Variants in HMBOX1 observed in about 807,000 individuals in gnomAD.
HMBOX1 encodes homeobox-containing protein 1.
HMBOX1 carries 14 observed loss-of-function variants against 54.5 expected under a neutral mutation model. The ratio of observed to expected loss-of-function variants is 0.26; its 90% CI spans 0.17 to 0.40. The LOEUF (loss-of-function observed/expected upper bound fraction) is 0.40, where lower values mean the gene tolerates loss of function less well. Among genes scored for constraint, HMBOX1 ranks in the 10% least tolerant of loss-of-function variants. HMBOX1 has a pLI of 1.00. For missense variants in HMBOX1, 332 were observed against 514.4 expected, an observed-to-expected ratio of 0.65 and a Z score of 3.43; for synonymous variants, 160 against 181.0, an observed-to-expected ratio of 0.88 and a Z score of 0.93.
intron 4 of HMBOX1, among the ~76,000 whole-genome samples, chr8:28,993,049 G>GT (rs5890435): frequency 4.0e-5 from 6 of 149,484 alleles, no homozygotes; most frequent in Admixed American, 6.7e-5. Flanking sequence ...TCAACACCTA[G>GT]TTTTTTTTTT....
intron 2 of HMBOX1, 82 bp from the exon 3 acceptor site, chr8:28,969,958 ATTG>A: frequency 1.2e-6 from 1 of 834,980 alleles, no homozygotes; most frequent in Non-Finnish European, 1.9e-6. Flanking sequence ...ATGTAGAAAT[ATTG>A]CATCTTCTGA....
At chr8:29,008,479 A>C (rs946975954) in intron 4 of HMBOX1, among the ~76,000 whole-genome samples, 1 of 152,200 alleles carries the variant, frequency 6.6e-6, no homozygotes, top group Non-Finnish European at 1.5e-5. Flanking sequence ...TGTAGCATAC[A>C]TAACTCTAAA....
In HMBOX1 at chr8:28,963,798, C is replaced by T; in HGVS notation, c.-57-13C>T. Reference sequence around the variant, plus strand: ...ACATAAATGTTTCTCAATTTTCTATCTTTGTTCTACAGAATGGTAGATAAC... The same window carrying T: ...ACATAAATGTTTCTCAATTTTCTATTTTTGTTCTACAGAATGGTAGATAAC... On this transcript the variant is annotated splice_polypyrimidine_tract_variant and intron_variant, in intron 1 of 9. Coordinates refer to ENST00000287701, the MANE Select transcript of HMBOX1 (RefSeq NM_001135726.3). The T allele has an allele frequency of 7.9e-7, 1 of 1,260,446 alleles. No homozygotes were observed. 78.1% of individuals were successfully genotyped at this position (1,260,446 alleles called of 1,614,324 possible).
rs569024267 is a variant in HMBOX1 at position 29,000,569 on chromosome 8, G to A, written c.587-8503G>A. Among the ~76,000 whole-genome samples the A allele has an allele frequency of 2.0e-5, 3 of 152,298 alleles. No individual in the cohort carries two copies. The East Asian group carries it at 5.8e-4, about 29-fold the overall frequency. On this transcript the variant is annotated intron_variant, in intron 4 of 9. Coordinates refer to ENST00000287701, the MANE Select transcript of HMBOX1 (RefSeq NM_001135726.3). Reference sequence around the variant, plus strand: ...TAACTTATTGCCACTGATTGTTTTCGACAAATTACCTCACATCTGTCTTTC... The same window carrying A: ...TAACTTATTGCCACTGATTGTTTTCAACAAATTACCTCACATCTGTCTTTC...
intron 1 of HMBOX1, among the ~76,000 whole-genome samples, chr8:28,902,279 G>A (rs941116107): frequency 6.6e-6 from 1 of 152,100 alleles, no homozygotes. Context: ...CAAGAACTTA[G>A]ACACAGCAAT....
intron 1 of HMBOX1, among the ~76,000 whole-genome samples, chr8:28,897,088 G>T (rs2131525984): frequency 6.6e-6 from 1 of 151,582 alleles, no homozygotes; most frequent in Admixed American, 6.6e-5. Flanking sequence ...AGGTTCAAGT[G>T]ATTCTCCTGC....
At chr8:28,986,970 T>G (rs930313431) in intron 4 of HMBOX1, among the ~76,000 whole-genome samples, 1 of 152,144 alleles carries the variant, frequency 6.6e-6, no homozygotes, top group Non-Finnish European at 1.5e-5. Context: ...CGGAGGATAT[T>G]TTTTGTTGTT....
chr8:29,051,319 T>C lies in HMBOX1; in HGVS notation c.*164T>C. ...GAAGATGGCATGGTGCCCTCAGCCTTTGCATATACTCTCTCAGTATTAACT... is the reference window on the plus strand; with the variant it reads ...GAAGATGGCATGGTGCCCTCAGCCTCTGCATATACTCTCTCAGTATTAACT... On this transcript the variant is annotated 3_prime_UTR_variant, in exon 10 of 10. Transcript: ENST00000287701. 3 of 694,490 alleles carry C rather than the reference T, an allele frequency of 4.3e-6. No homozygotes were observed. Among genetic ancestry groups the C allele is most frequent in the Non-Finnish European group, 7.3e-6 (3 of 412,408 alleles). The allele number at this position is 694,490 out of a possible 1,614,324, so 43.0% of individuals were successfully genotyped here.
chr8:28,910,006 C>A (rs1214528087), intron 1 of HMBOX1, among the ~76,000 whole-genome samples: 1 of 152,156 alleles, frequency 6.6e-6, no homozygotes, highest in African/African-American at 2.4e-5. Flanking sequence ...ACACTTTCAT[C>A]ACCTCCACAA....
At chr8:28,969,959 T>C (rs1427654029) in intron 2 of HMBOX1, 84 bp from the exon 3 acceptor site, 3 of 831,930 alleles carry the variant, frequency 3.6e-6, no homozygotes, top group East Asian at 2.4e-5. Context: ...TGTAGAAATA[T>C]TGCATCTTCT....
chr8:29,049,098 A>G, intron 9 of HMBOX1, 50 bp downstream of exon 9: 2 of 1,499,032 alleles, frequency 1.3e-6, no homozygotes, highest in Non-Finnish European at 1.9e-6. Context: ...AGCAGGGGGT[A>G]TAGTGGGACA....
intron 4 of HMBOX1, among the ~76,000 whole-genome samples, chr8:28,985,119 G>A (rs1021057075): frequency 3.9e-5 from 6 of 152,104 alleles, no homozygotes; most frequent in Non-Finnish European, 8.8e-5. Context: ...AGTTCCATTT[G>A]AGCTGGATGC....
At chr8:28,927,903 G>A (rs1818827133) in intron 1 of HMBOX1, among the ~76,000 whole-genome samples, 1 of 149,854 alleles carries the variant, frequency 6.7e-6, no homozygotes, top group African/African-American at 2.5e-5. Context: ...TTGAGAGGCT[G>A]AGGCAGACGG....
intron 4 of HMBOX1, among the ~76,000 whole-genome samples, chr8:28,997,684 A>T (rs1003809490): frequency 1.4e-4 from 21 of 152,174 alleles, no homozygotes; most frequent in East Asian, 3.9e-4. Context: ...GTAGCTGGGG[A>T]CTACAGGTGT....
chr8:28,909,346 TA>T (rs1346519443), intron 1 of HMBOX1, among the ~76,000 whole-genome samples: 4 of 152,138 alleles, frequency 2.6e-5, no homozygotes, highest in Non-Finnish European at 4.4e-5. Flanking sequence ...AATGGGTAAC[TA>T]GAAAAATTAA....
intron 1 of HMBOX1, among the ~76,000 whole-genome samples, chr8:28,928,994 C>G (rs568795486): frequency 1.3e-5 from 2 of 152,256 alleles, no homozygotes; most frequent in South Asian, 4.1e-4. Context: ...GTTCTGGAGA[C>G]TTAATGTACA....
At chr8:29,007,286 T>C (rs2132813595) in intron 4 of HMBOX1, among the ~76,000 whole-genome samples, 1 of 151,616 alleles carries the variant, frequency 6.6e-6, no homozygotes, top group Admixed American at 6.6e-5. Flanking sequence ...GAAACTCTGT[T>C]TCCAAAAAAA....
At chr8:29,050,463 G>C (rs1806278667) in intron 9 of HMBOX1, 1 of 152,816 alleles carries the variant, frequency 6.5e-6, no homozygotes. Context: ...TTCTCCCGTA[G>C]CCGTTTCTGG....
chr8:28,920,868 A>T (rs1403348446), intron 1 of HMBOX1, among the ~76,000 whole-genome samples: 2 of 152,194 alleles, frequency 1.3e-5, no homozygotes. Flanking sequence ...GATTTATGTT[A>T]TTTTACTTTA....
Sources: gnomAD v4.1 joint callset for allele counts (sites outside exome capture counted in the v4.1 genomes callset) on GRCh38, gnomAD v4.1.1 for gene constraint, MANE v1.5 for transcripts, NCBI Gene and HGNC (gene_info 2026-07-23, HGNC 2026-07-21) for gene names.